Variants in HDAC1 observed in about 807,000 individuals in gnomAD.
HDAC1 encodes protein deacetylase HDAC1.
A neutral mutation model predicts 65.5 loss-of-function variants in HDAC1; 18 were observed. The ratio of observed to expected loss-of-function variants is 0.27; its 90% CI spans 0.19 to 0.41. The LOEUF (loss-of-function observed/expected upper bound fraction) is 0.41. Ranked by LOEUF, HDAC1 falls within the 10% of genes least tolerant of loss-of-function variation. HDAC1 has a pLI of 1.00. For missense variants in HDAC1, 373 were observed against 625.2 expected, an observed-to-expected ratio of 0.60 and a Z score of 4.30; for synonymous variants, 211 against 227.9, an observed-to-expected ratio of 0.93 and a Z score of 0.67.
At chr1:32,332,875 C>T in intron 13 of HDAC1, 126 bp downstream of exon 13, 1 of 1,153,296 alleles carries the variant, frequency 8.7e-7, no homozygotes, top group Non-Finnish European at 1.3e-6. Flanking sequence ...AGGGACCAGT[C>T]TGTCCAGCTC....
At position 32,332,260 on chromosome 1, in the gene HDAC1, T is replaced by C. The variant is rs1168702415; in HGVS notation, c.1372+18T>C. 8 of 1,602,990 alleles carry C rather than the reference T, an allele frequency of 5.0e-6. No individual in the cohort carries two copies. The Admixed American group carries it at 8.6e-5, about 17-fold the overall frequency. On this transcript the variant is annotated intron_variant, in intron 12 of 13. Transcript: ENST00000373548. ...GAAGAAAGGTGGGTTTGGGTTCAGC[T>C]GGGACTTGGGTCTCGAGCCTGAGAG...
chr1:32,330,045 A>AGTAT lies in HDAC1; in HGVS notation c.730-533_730-532insGTAT, dbSNP rs1641269742. 6.2e-6 allele frequency: 1 copy of AGTAT among 160,108 alleles called. No individual in the cohort carries two copies. Among genetic ancestry groups the AGTAT allele is most frequent in the African/African-American group, 2.4e-5 (1 of 41,486 alleles). 9.9% of individuals were successfully genotyped at this position (160,108 alleles called of 1,614,324 possible). A position where few individuals can be genotyped will look rare whatever the true frequency, so the allele number is the denominator to read the frequency against. ...TAAATCTTCACTTATAAACAGTAAGAAACTGCTTAACCTAATAAGGTCAGG... is the reference window on the plus strand; with the variant it reads ...TAAATCTTCACTTATAAACAGTAAGAGTATAACTGCTTAACCTAATAAGGTCAGG... On this transcript the variant is annotated intron_variant, in intron 7 of 13. Transcript: ENST00000373548. The surrounding 1 kb of genome is among the most constrained non-coding windows in gnomAD (Gnocchi z 4.2).
intron 3 of HDAC1, among the ~76,000 whole-genome samples, chr1:32,321,244 T>A (rs56041939): frequency 0.11 from 16,185 of 147,208 alleles, 947 homozygotes; most frequent in East Asian, 0.18. Flanking sequence ...AAAAAAAAAA[T>A]AATAATAATA....
intron 3 of HDAC1, among the ~76,000 whole-genome samples, chr1:32,316,987 T>C (rs1641073923): frequency 6.6e-6 from 1 of 152,222 alleles, no homozygotes; most frequent in Non-Finnish European, 1.5e-5. Flanking sequence ...GTACTTTTTC[T>C]GGTTATGTTC....
intron 12 of HDAC1, 104 bp from the exon 13 acceptor site, chr1:32,332,597 C>T: frequency 2.4e-6 from 2 of 823,050 alleles, no homozygotes. Context: ...CTCTTTATGT[C>T]CAGTGAGCTG....
At position 32,333,055 on chromosome 1, in the gene HDAC1, C is replaced by T. The variant is rs1641320472; in HGVS notation, c.*11C>T. 1 of 1,611,998 alleles carries T rather than the reference C, an allele frequency of 6.2e-7. No individual in the cohort carries two copies. Among genetic ancestry groups the T allele is most frequent in the African/African-American group, 1.3e-5 (1 of 74,910 alleles). ...GTCAAGTTGGCCTGAATGGACCTCT[C>T]CAGCTCTGGCTTCCTGCTGAGTCCC... On this transcript the variant is annotated 3_prime_UTR_variant, in exon 14 of 14. Coordinates refer to ENST00000373548, the MANE Select transcript of HDAC1 (RefSeq NM_004964.3).
chr1:32,330,289 G>A lies in HDAC1; in HGVS notation c.730-289G>A. On this transcript the variant is annotated intron_variant, in intron 7 of 13. Coordinates refer to ENST00000373548, the MANE Select transcript of HDAC1 (RefSeq NM_004964.3). This position sits in a 1 kb window ranked among gnomAD's most constrained non-coding sequence, Gnocchi z 4.2. ...TCAGGAAGGCTTCCTGGAGGAAGTGGCACTAGAGCTTGGGCAACAGAAGAG... is the reference window on the plus strand; with the variant it reads ...TCAGGAAGGCTTCCTGGAGGAAGTGACACTAGAGCTTGGGCAACAGAAGAG... The A allele has an allele frequency of 2.6e-6, 1 of 386,252 alleles. No homozygotes were observed. Among genetic ancestry groups the A allele is most frequent in the South Asian group, 2.8e-5 (1 of 36,102 alleles). 23.9% of individuals were successfully genotyped at this position (386,252 alleles called of 1,614,324 possible).
intron 6 of HDAC1, among the ~76,000 whole-genome samples, chr1:32,328,792 A>G (rs1052712842): frequency 6.6e-6 from 1 of 152,288 alleles, no homozygotes; most frequent in East Asian, 1.9e-4. Context: ...CAAGGTAGAA[A>G]TCTTGTGCTA....
chr1:32,300,533 A>G (rs1640833512), intron 1 of HDAC1, among the ~76,000 whole-genome samples: 1 of 151,964 alleles, frequency 6.6e-6, no homozygotes, highest in Admixed American at 6.6e-5. Flanking sequence ...ACTCCAGCCT[A>G]GGCGACAGAG....
In HDAC1 at chr1:32,330,931, C is replaced by A. The variant is rs536372070; in HGVS notation, c.979+23C>A. ...ATGGTAATAGCTGCAGGGCCAGGTTCGGCTGGGCTGGGTGGGAGCTGGAGC... is the reference window on the plus strand; with the variant it reads ...ATGGTAATAGCTGCAGGGCCAGGTTAGGCTGGGCTGGGTGGGAGCTGGAGC... On this transcript the variant is annotated intron_variant, in intron 9 of 13. Coordinates refer to ENST00000373548, the MANE Select transcript of HDAC1 (RefSeq NM_004964.3). This position sits in a 1 kb window ranked among gnomAD's most constrained non-coding sequence, Gnocchi z 4.2. 3 of 1,613,426 alleles carry A rather than the reference C, an allele frequency of 1.9e-6. No individual in the cohort carries two copies. Among genetic ancestry groups the A allele is most frequent in the Non-Finnish European group, 2.5e-6 (3 of 1,179,468 alleles).
chr1:32,308,872 A>T (rs1318383192), intron 2 of HDAC1, among the ~76,000 whole-genome samples: 14 of 151,974 alleles, frequency 9.2e-5, no homozygotes, highest in Non-Finnish European at 1.5e-5. Context: ...GAGTGCAGTG[A>T]TGTGATCACA....
At chr1:32,318,765 G>T (rs1641098399) in intron 3 of HDAC1, among the ~76,000 whole-genome samples, 1 of 152,146 alleles carries the variant, frequency 6.6e-6, no homozygotes, top group Non-Finnish European at 1.5e-5. Context: ...TGAGGAGTGT[G>T]CAGGTTCTGC....
intron 4 of HDAC1, among the ~76,000 whole-genome samples, chr1:32,325,085 T>C (rs866327069): frequency 1.8e-4 from 27 of 152,360 alleles, no homozygotes; most frequent in Middle Eastern, 6.8e-3. Context: ...AGAGATCTTA[T>C]GTACAGGCGT....
chr1:32,326,904 A>T (rs1331041518), intron 4 of HDAC1, 35 bp from the exon 5 acceptor site: 1 of 1,610,498 alleles, frequency 6.2e-7, no homozygotes, highest in African/African-American at 1.3e-5. Context: ...AGAGTGGCTT[A>T]GTAACAGGCT....
At chr1:32,300,340 T>C (rs1010879642) in intron 1 of HDAC1, among the ~76,000 whole-genome samples, 1 of 152,088 alleles carries the variant, frequency 6.6e-6, no homozygotes, top group Non-Finnish European at 1.5e-5. Context: ...GCATATCACT[T>C]GAGGTGAGGA....
At chr1:32,313,685 C>T (rs758380017) in intron 2 of HDAC1, among the ~76,000 whole-genome samples, 6 of 152,194 alleles carry the variant, frequency 3.9e-5, no homozygotes, top group Non-Finnish European at 8.8e-5. Context: ...AGAAAAATAA[C>T]TGATTCCTGG....
At chr1:32,322,176 A>T (rs1641156686) in intron 3 of HDAC1, among the ~76,000 whole-genome samples, 1 of 152,108 alleles carries the variant, frequency 6.6e-6, no homozygotes, top group Non-Finnish European at 1.5e-5. Context: ...AAATCTTGAT[A>T]ACAGTGGGTA....
chr1:32,330,726 G>C lies in HDAC1; in HGVS notation c.838+40G>C, dbSNP rs1641279966. The C allele has an allele frequency of 6.2e-7, 1 of 1,614,046 alleles. No individual in the cohort carries two copies. Among genetic ancestry groups the C allele is most frequent in the Non-Finnish European group, 8.5e-7 (1 of 1,179,916 alleles). ...CACAAGGATGGGTGGGCGGGGTCCT[G>C]CTTGGTGCTCCTGTAACTCAGCACC... On this transcript the variant is annotated intron_variant, in intron 8 of 13. Transcript: ENST00000373548. The surrounding 1 kb of genome is among the most constrained non-coding windows in gnomAD (Gnocchi z 4.2).
intron 2 of HDAC1, among the ~76,000 whole-genome samples, chr1:32,309,383 C>G (rs1040426985): frequency 6.6e-6 from 1 of 151,642 alleles, no homozygotes; most frequent in Admixed American, 6.6e-5. Flanking sequence ...CTCTCTCTCT[C>G]TCTTTTTTAA....
Sources: allele counts gnomAD v4.1 joint callset (sites outside exome capture counted in the v4.1 genomes callset), GRCh38; gene constraint gnomAD v4.1.1; non-coding constraint Gnocchi (gnomAD v3.1); transcripts MANE v1.5; gene names NCBI Gene and HGNC (gene_info 2026-07-23, HGNC 2026-07-21).